TMEM150B: variants seen among roughly 807,000 people sequenced by gnomAD.
TMEM150B encodes modulator of macroautophagy TMEM150B.
A neutral mutation model predicts 25.2 loss-of-function variants in TMEM150B; 33 were observed. The ratio of observed to expected loss-of-function variants is 1.31; its 90% CI spans 0.99 to 1.75. The LOEUF (loss-of-function observed/expected upper bound fraction) is 1.75, where lower values mean the gene tolerates loss of function less well. Among genes scored for constraint, TMEM150B ranks in the 40% most tolerant of loss-of-function variants. TMEM150B has a pLI of 0.00. For synonymous variants in TMEM150B, 133 were observed against 134.8 expected, an observed-to-expected ratio of 0.99 and a Z score of 0.09; for missense variants, 322 against 306.1, an observed-to-expected ratio of 1.05 and a Z score of -0.39.
downstream of TMEM150B, chr19:55,312,748 C>T: frequency 8.1e-7 from 1 of 1,235,066 alleles, no homozygotes; most frequent in South Asian, 1.6e-5. Flanking sequence ...GCGGCAGCCC[C>T]AGCTGGTTGG....
At chr19:55,309,976 C>T (rs1022371433), downstream of TMEM150B, among the ~76,000 whole-genome samples, 1 of 152,190 alleles carries the variant, frequency 6.6e-6, no homozygotes, top group Non-Finnish European at 1.5e-5. Context: ...CCCTGGACCC[C>T]GTTGAAAGGA....
At chr19:55,319,870 C>T (rs991482347) in intron 6 of TMEM150B, 169 bp downstream of exon 6, 5 of 1,436,924 alleles carry the variant, frequency 3.5e-6, no homozygotes, top group Non-Finnish European at 4.6e-6. Context: ...ACTCAGAGAG[C>T]AAAGGAATCC....
chr19:55,324,999 C>T (rs185838124), intron 1 of TMEM150B: 137 of 435,078 alleles, frequency 3.1e-4, no homozygotes, highest in African/African-American at 2.8e-3. Context: ...ATCTCCTGCC[C>T]TGCCCTGTCC....
At position 55,322,634 on chromosome 19, in the gene TMEM150B, C is replaced by T. The variant is rs1441244445; in HGVS notation, c.-58+14G>A. ...TGCACCTCCCAGCCTCCAGGGCCTC[C>T]CCAGGATGCTCACCTCTCCAAGCTT... is the stretch of plus-strand genomic sequence containing the variant. On this transcript the variant is annotated intron_variant, in intron 2 of 7. Transcript: ENST00000326652. 2.0e-6 allele frequency: 2 copies of T among 984,900 alleles called. No homozygotes were observed. The highest frequency in any genetic ancestry group is 2.4e-6 in the Non-Finnish European group (2 of 829,716). The allele number at this position is 984,900 out of a possible 1,614,324, so 61.0% of individuals were successfully genotyped here. A position where few individuals can be genotyped will look rare whatever the true frequency, so the allele number is the denominator to read the frequency against.
chr19:55,323,318 G>A (rs1279114812), intron 1 of TMEM150B, among the ~76,000 whole-genome samples: 1 of 151,846 alleles, frequency 6.6e-6, no homozygotes, highest in African/African-American at 2.4e-5. Context: ...TGTAATCCCA[G>A]CTACTCCGGA....
intron 6 of TMEM150B, 57 bp from the exon 7 acceptor site, chr19:55,317,023 C>A: frequency 2.6e-6 from 4 of 1,511,496 alleles, no homozygotes; most frequent in Non-Finnish European, 3.6e-6. Flanking sequence ...GTAAGGGGCA[C>A]CAGAGGGGCC....
intron 7 of TMEM150B, among the ~76,000 whole-genome samples, chr19:55,314,412 G>A (rs2088926507): frequency 6.6e-6 from 1 of 152,132 alleles, no homozygotes; most frequent in Non-Finnish European, 1.5e-5. Flanking sequence ...GGCCCTGCCA[G>A]CAGCCTCACT....
chr19:55,319,566 C>T (rs2089132237), intron 6 of TMEM150B: 1 of 177,630 alleles, frequency 5.6e-6, no homozygotes, highest in South Asian at 1.7e-4. Context: ...CTGCCTCTGC[C>T]TCCCACGTAG....
chr19:55,320,645 G>T (rs753149348), intron 3 of TMEM150B, 28 bp from the exon 4 acceptor site: 2 of 1,599,880 alleles, frequency 1.3e-6, no homozygotes. Flanking sequence ...GTGAGTGGGC[G>T]ACTCTCACCA....
intron 7 of TMEM150B, among the ~76,000 whole-genome samples, chr19:55,313,888 T>C (rs1183866109): frequency 6.6e-6 from 1 of 152,186 alleles, no homozygotes; most frequent in Non-Finnish European, 1.5e-5. Context: ...CCAGACAGCT[T>C]ATTCCATTCA....
At chr19:55,315,261 A>T (rs1369708875) in intron 7 of TMEM150B, among the ~76,000 whole-genome samples, 1 of 151,996 alleles carries the variant, frequency 6.6e-6, no homozygotes, top group Non-Finnish European at 1.5e-5. Flanking sequence ...GGTTGCAGTG[A>T]GCCAAGATCA....
At position 55,320,023 on chromosome 19, in the gene TMEM150B, G is replaced by A. The variant is rs369957023; in HGVS notation, c.324+16C>T. ...ACGCCGGCCGGGACAGACCCTGGGC[G>A]CCGACTGGGTCTCACCTGGAAATTG... On this transcript the variant is annotated intron_variant, in intron 6 of 7. Transcript: ENST00000326652. 9.6e-5 allele frequency: 155 copies of A among 1,613,952 alleles called. No individual in the cohort carries two copies. The African/African-American group carries it at 1.8e-3, about 19-fold the overall frequency.
At chr19:55,316,140 G>T (rs1392635755) in intron 7 of TMEM150B, among the ~76,000 whole-genome samples, 4 of 152,066 alleles carry the variant, frequency 2.6e-5, no homozygotes, top group Non-Finnish European at 5.9e-5. Flanking sequence ...GGCTCTGGTT[G>T]GTGGCATCTG....
chr19:55,315,675 G>A (rs1479218292), intron 7 of TMEM150B, among the ~76,000 whole-genome samples: 1 of 151,692 alleles, frequency 6.6e-6, no homozygotes, highest in African/African-American at 2.4e-5. Context: ...GCAGGAGAAT[G>A]GCATGAACCT....
intron 7 of TMEM150B, among the ~76,000 whole-genome samples, chr19:55,314,823 C>A (rs548998473): frequency 6.6e-6 from 1 of 152,180 alleles, no homozygotes; most frequent in Non-Finnish European, 1.5e-5. Context: ...CCAGGAAATA[C>A]GATCACCATT....
chr19:55,316,456 G>A (rs1007230343), intron 7 of TMEM150B, among the ~76,000 whole-genome samples: 1 of 152,068 alleles, frequency 6.6e-6, no homozygotes, highest in Non-Finnish European at 1.5e-5. Flanking sequence ...GCCAGGCACA[G>A]ATCTAAGCAC....
chr19:55,324,668 T>G, intron 1 of TMEM150B: 1 of 930,176 alleles, frequency 1.1e-6, no homozygotes, highest in Non-Finnish European at 1.3e-6. Context: ...TAAAATAAAA[T>G]AAATAAATAA....
downstream of TMEM150B, chr19:55,311,786 G>T (rs538549172): frequency 7.1e-6 from 7 of 986,354 alleles, no homozygotes; most frequent in South Asian, 8.3e-5. Context: ...CCTTATCAGG[G>T]ATTGGAGCTA....
In TMEM150B at chr19:55,316,940, C is replaced by A; in HGVS notation, c.351G>T (p.Leu117Phe). 1.2e-6 allele frequency: 2 copies of A among 1,605,168 alleles called. No individual in the cohort carries two copies. Among genetic ancestry groups the A allele is most frequent in the South Asian group, 1.1e-5 (1 of 89,632 alleles). The change falls in exon 7 of 8, where the codon TTG (leucine) becomes TTT (phenylalanine). Residue 117 changes from leucine to phenylalanine, a missense_variant. Physicochemically the swap from Leu to Phe is conservative, Grantham distance 22. Transcript: ENST00000326652. ...FQEKNQRPTH[L>F]AGAFLAFILG... ...AGATGAAGGCAAGGAAGGCCCCTGC[C>A]AAGTGCGTAGGCCGCTGGTTCTTTT...
Sources: gnomAD v4.1 joint callset for allele counts (sites outside exome capture counted in the v4.1 genomes callset) on GRCh38, gnomAD v4.1.1 for gene constraint, MANE v1.5 for transcripts, NCBI Gene and HGNC (gene_info 2026-07-23, HGNC 2026-07-21) for gene names.